The following TRAPPC9 variants were observed in gnomAD, a reference collection of about 807,000 sequenced individuals.
TRAPPC9 encodes IKK2 binding protein.
TRAPPC9 carries 83 observed loss-of-function variants against 124.0 expected under a neutral mutation model. The observed-to-expected ratio is 0.67, with a 90% CI of 0.56 to 0.80. The LOEUF is 0.80. Ranked by LOEUF, TRAPPC9 falls within the 30% of genes least tolerant of loss-of-function variation. The probability of loss-of-function intolerance (pLI) is 0.00; values close to 1 mark genes in which losing one functional copy is unlikely to be tolerated. For missense variants in TRAPPC9, 1,302 were observed against 1,508.3 expected (o/e 0.86, Z 2.27); for synonymous variants, 638 against 617.5 (o/e 1.03, Z -0.49).
intron 17 of TRAPPC9, among the ~76,000 whole-genome samples, chr8:140,177,728 T>C (rs1214232690): frequency 6.6e-6 from 1 of 152,112 alleles, no homozygotes; most frequent in Non-Finnish European, 1.5e-5. Flanking sequence ...CCCATAGCCA[T>C]GTATATCTTT....
intron 16 of TRAPPC9, among the ~76,000 whole-genome samples, chr8:140,244,248 C>T (rs974234054): frequency 6.6e-6 from 1 of 152,202 alleles, no homozygotes. Context: ...CTGTGTGAGG[C>T]CTTAGACAAA....
intron 9 of TRAPPC9, among the ~76,000 whole-genome samples, chr8:140,359,144 G>A (rs73372890): frequency 0.057 from 8,697 of 152,220 alleles, 838 homozygotes; most frequent in African/African-American, 0.19. Context: ...TGCAGCTGAG[G>A]CCTGTGTCCA....
At chr8:139,898,161 C>A (rs969022450) in intron 20 of TRAPPC9, among the ~76,000 whole-genome samples, 4 of 152,190 alleles carry the variant, frequency 2.6e-5, no homozygotes, top group South Asian at 2.1e-4. Context: ...CGGCTACTTG[C>A]CCAGGAAGAG....
chr8:140,411,724 G>T (rs1475489726), intron 5 of TRAPPC9, among the ~76,000 whole-genome samples: 2 of 152,166 alleles, frequency 1.3e-5, no homozygotes, highest in Non-Finnish European at 2.9e-5. Context: ...TTAAGAATCA[G>T]CTTGAAGAGC....
chr8:140,451,214 A>AG lies in TRAPPC9; in HGVS notation c.159dup (p.Tyr54LeufsTer17). 7 of 1,614,122 alleles carry AG rather than the reference A, an allele frequency of 4.3e-6. No individual in the cohort carries two copies. The highest frequency in any genetic ancestry group is 5.9e-6 in the Non-Finnish European group (7 of 1,180,030). On this transcript the variant is annotated frameshift_variant, in exon 2 of 23. Transcript: ENST00000438773. LOFTEE classifies it high-confidence loss of function. ...GGGTAGTGGTGCCTGTAGCGGATGT[A>AG]GAGGACTCGCTGGGAGTCCCGCACG... is the stretch of plus-strand genomic sequence containing the variant.
chr8:139,854,937 C>T (rs1016522270), intron 21 of TRAPPC9, among the ~76,000 whole-genome samples: 2 of 152,178 alleles, frequency 1.3e-5, no homozygotes, highest in Admixed American at 1.3e-4. Flanking sequence ...TGGCTTGAAG[C>T]GAGGGCTGAT....
chr8:140,217,258 A>T (rs1489361757), intron 17 of TRAPPC9, among the ~76,000 whole-genome samples: 2 of 152,234 alleles, frequency 1.3e-5, no homozygotes, highest in Non-Finnish European at 2.9e-5. Context: ...GGAGTGATAC[A>T]GCGATGGCCA....
chr8:140,100,853 G>T (rs930278081), intron 17 of TRAPPC9, among the ~76,000 whole-genome samples: 1 of 152,220 alleles, frequency 6.6e-6, no homozygotes, highest in Non-Finnish European at 1.5e-5. Context: ...CCTTTCCGAG[G>T]CGAAAGCCTG....
intron 5 of TRAPPC9, among the ~76,000 whole-genome samples, chr8:140,425,560 CTAAGCT>C (rs1564015805): frequency 5.8e-4 from 88 of 152,258 alleles, no homozygotes; most frequent in African/African-American, 2.1e-3. Flanking sequence ...TCTTATAGCT[CTAAGCT>C]ACTTCTATAT....
chr8:139,796,197 A>G (rs1823082668), intron 21 of TRAPPC9, among the ~76,000 whole-genome samples: 1 of 151,934 alleles, frequency 6.6e-6, no homozygotes, highest in South Asian at 2.1e-4. Context: ...GGAGGAGGTG[A>G]TTTTGCTTAA....
chr8:139,877,842 C>T (rs564717699), intron 21 of TRAPPC9, among the ~76,000 whole-genome samples: 39 of 152,332 alleles, frequency 2.6e-4, no homozygotes, highest in African/African-American at 9.4e-4. Flanking sequence ...CCCAAGTTCA[C>T]AGGACTTGAC....
intron 17 of TRAPPC9, among the ~76,000 whole-genome samples, chr8:140,071,855 T>C (rs1843173945): frequency 6.6e-6 from 1 of 152,120 alleles, no homozygotes; most frequent in African/African-American, 2.4e-5. Flanking sequence ...TGACAAGCAG[T>C]AGGGAAAAGA....
chr8:140,298,152 A>T (rs2065865758), intron 11 of TRAPPC9, among the ~76,000 whole-genome samples: 1 of 152,252 alleles, frequency 6.6e-6, no homozygotes, highest in Non-Finnish European at 1.5e-5. Flanking sequence ...AATAAAAGAA[A>T]TGATTACCAT....
intron 15 of TRAPPC9, among the ~76,000 whole-genome samples, chr8:140,275,048 CT>C (rs1376048648): frequency 6.6e-6 from 1 of 152,178 alleles, no homozygotes; most frequent in East Asian, 1.9e-4. Context: ...ATACATTCCC[CT>C]TTGATCAATG....
intron 5 of TRAPPC9, among the ~76,000 whole-genome samples, chr8:140,419,367 T>G (rs1388000051): frequency 7.3e-6 from 1 of 137,414 alleles, no homozygotes; most frequent in African/African-American, 2.7e-5. Context: ...AGGTGGAGCT[T>G]GCAGTGAGCT....
chr8:140,120,265 C>A (rs1032177258), intron 17 of TRAPPC9, among the ~76,000 whole-genome samples: 3 of 152,152 alleles, frequency 2.0e-5, no homozygotes, highest in African/African-American at 7.2e-5. Flanking sequence ...GGTGTAATTT[C>A]TTTTCCTTAT....
intron 21 of TRAPPC9, among the ~76,000 whole-genome samples, chr8:139,852,803 G>A (rs1232026695): frequency 6.6e-6 from 1 of 152,148 alleles, no homozygotes; most frequent in Admixed American, 6.5e-5. Context: ...TCTGATTGAT[G>A]ACATGAAAAG....
intron 17 of TRAPPC9, among the ~76,000 whole-genome samples, chr8:140,124,717 C>CATAGGGGAGGA (rs2061052366): frequency 1.3e-5 from 2 of 152,022 alleles, no homozygotes; most frequent in Admixed American, 6.5e-5. Context: ...GGAGGACCCT[C>CATAGGGGAGGA]CGAGGGGAGG....
chr8:140,418,999 A>G (rs542894009), intron 5 of TRAPPC9, among the ~76,000 whole-genome samples: 1 of 152,288 alleles, frequency 6.6e-6, no homozygotes, highest in South Asian at 2.1e-4. Context: ...GATGGCACTC[A>G]ACAAACTAGG....
Sources: allele counts gnomAD v4.1 joint callset (sites outside exome capture counted in the v4.1 genomes callset), GRCh38; gene constraint gnomAD v4.1.1; transcripts MANE v1.5; gene names NCBI Gene and HGNC (gene_info 2026-07-23, HGNC 2026-07-21).